The following STK32A variants were observed in gnomAD, a reference collection of about 807,000 sequenced individuals.
The protein encoded by STK32A is serine/threonine-protein kinase 32A.
STK32A carries 41 observed loss-of-function variants against 53.2 expected under a neutral mutation model. That is an observed-to-expected ratio of 0.77 (90% CI 0.60 to 1.00). The LOEUF (loss-of-function observed/expected upper bound fraction) is 1.00, where lower values mean the gene tolerates loss of function less well. Ranked by LOEUF, STK32A falls within the 50% of genes least tolerant of loss-of-function variation. The probability of loss-of-function intolerance (pLI) is 0.00; values close to 1 mark genes in which losing one functional copy is unlikely to be tolerated. For synonymous variants in STK32A, 166 were observed against 162.8 expected (o/e 1.02, Z -0.15); for missense variants, 458 against 485.8 (o/e 0.94, Z 0.54).
At chr5:147,374,995 C>T (rs1757169779) in intron 10 of STK32A, 95 bp from the exon 11 acceptor site, 38 of 1,158,658 alleles carry the variant, frequency 3.3e-5, no homozygotes, top group Non-Finnish European at 4.2e-5. Context: ...ATGGACTGCT[C>T]CGTTAAGACT....
At chr5:147,346,192 C>A (rs986813704) in intron 6 of STK32A, among the ~76,000 whole-genome samples, 15 of 152,124 alleles carry the variant, frequency 9.9e-5, no homozygotes, top group African/African-American at 3.6e-4. Flanking sequence ...TCAATGCCTG[C>A]CTTTTAGAGT....
chr5:147,239,871 G>C, intron 2 of STK32A, 185 bp downstream of exon 2: 1 of 570,580 alleles, frequency 1.8e-6, no homozygotes, highest in South Asian at 2.2e-5. Context: ...ACTTTCCATG[G>C]GACCTTTGGC....
intron 4 of STK32A, among the ~76,000 whole-genome samples, chr5:147,288,751 A>G (rs1752462221): frequency 6.6e-6 from 1 of 151,884 alleles, no homozygotes; most frequent in South Asian, 2.1e-4. Flanking sequence ...TGATCCAATC[A>G]CCTCCCACCA....
intron 5 of STK32A, among the ~76,000 whole-genome samples, chr5:147,325,285 A>G (rs1198014487): frequency 6.6e-6 from 1 of 151,816 alleles, no homozygotes; most frequent in Non-Finnish European, 1.5e-5. Context: ...ACCAGTTGAC[A>G]TTGACCTGTA....
intron 4 of STK32A, among the ~76,000 whole-genome samples, chr5:147,322,040 T>C (rs1754348204): frequency 6.6e-6 from 1 of 152,152 alleles, no homozygotes; most frequent in Non-Finnish European, 1.5e-5. Context: ...GTTTCACCAG[T>C]TCAATATTGT....
At chr5:147,266,288 T>C (rs1036263298) in intron 2 of STK32A, among the ~76,000 whole-genome samples, 1 of 152,164 alleles carries the variant, frequency 6.6e-6, no homozygotes, top group Non-Finnish European at 1.5e-5. Context: ...AGTGAGTAAG[T>C]CGATGAGTGA....
At chr5:147,351,901 GATA>G (rs753295996) in intron 7 of STK32A, among the ~76,000 whole-genome samples, 2 of 152,074 alleles carry the variant, frequency 1.3e-5, no homozygotes, top group Non-Finnish European at 2.9e-5. Flanking sequence ...TAAGCAAAAT[GATA>G]ATAAGTGGCA....
intron 11 of STK32A, 188 bp from the exon 12 acceptor site, chr5:147,383,253 A>AT: frequency 1.6e-6 from 1 of 619,706 alleles, no homozygotes. Context: ...GGGGAGACAG[A>AT]TTCCTGGTGC....
chr5:147,277,354 G>C (rs920607924), intron 2 of STK32A, among the ~76,000 whole-genome samples: 1 of 152,060 alleles, frequency 6.6e-6, no homozygotes, highest in South Asian at 2.1e-4. Flanking sequence ...TACATTTCAC[G>C]AGCATTGACT....
At chr5:147,257,213 A>T (rs997603048) in intron 2 of STK32A, among the ~76,000 whole-genome samples, 4 of 149,686 alleles carry the variant, frequency 2.7e-5, no homozygotes, top group African/African-American at 9.8e-5. Flanking sequence ...TCCACAGAAC[A>T]TTGGACCAAC....
chr5:147,384,491 G>A lies in STK32A; in HGVS notation c.*508G>A. The A allele has an allele frequency of 7.2e-7, 1 of 1,389,772 alleles. No homozygotes were observed. Among genetic ancestry groups the A allele is most frequent in the Non-Finnish European group, 9.8e-7 (1 of 1,018,350 alleles). The allele number at this position is 1,389,772 out of a possible 1,614,324, so 86.1% of individuals were successfully genotyped here. ...TAAAGATAAGGAATTCTATCAGGGA[G>A]GCATGAATGGAATCAGATTAAAAGT... On this transcript the variant is annotated 3_prime_UTR_variant, in exon 13 of 13. Coordinates refer to ENST00000397936, the MANE Select transcript of STK32A (RefSeq NM_001112724.2).
intron 2 of STK32A, among the ~76,000 whole-genome samples, chr5:147,259,856 TCC>T (rs750384055): frequency 3.7e-4 from 53 of 141,430 alleles, no homozygotes; most frequent in African/African-American, 1.0e-3. Context: ...CTCTCCTCTC[TCC>T]CTCTCTTCTG....
intron 2 of STK32A, among the ~76,000 whole-genome samples, chr5:147,249,777 G>A (rs1835907): frequency 0.33 from 50,407 of 151,392 alleles, 8,606 homozygotes; most frequent in Admixed American, 0.39. Flanking sequence ...GCCTGGCATG[G>A]TGGTGGGCAC....
chr5:147,315,994 T>C (rs926202997), intron 4 of STK32A, among the ~76,000 whole-genome samples: 10 of 152,196 alleles, frequency 6.6e-5, no homozygotes, highest in Non-Finnish European at 1.5e-5. Flanking sequence ...AAATGAACTA[T>C]TCCAAGTGAC....
rs548977108 is a variant in STK32A at position 147,313,658 on chromosome 5, T to C, written c.261-10240T>C. 8.5e-5 allele frequency among the ~76,000 whole-genome samples: 13 copies of C among 152,338 alleles called. No homozygotes were observed. The East Asian group carries it at 2.5e-3, about 29-fold the overall frequency. Reference sequence around the variant, plus strand: ...AAAAAGAAGAGCAAAGTTGGAGGGCTCATACTTTTCAGTTTCGAAAGTTGT... The same window carrying C: ...AAAAAGAAGAGCAAAGTTGGAGGGCCCATACTTTTCAGTTTCGAAAGTTGT... On this transcript the variant is annotated intron_variant, in intron 4 of 12. Transcript: ENST00000397936.
intron 7 of STK32A, among the ~76,000 whole-genome samples, chr5:147,352,506 C>T (rs1756029473): frequency 1.3e-5 from 2 of 152,276 alleles, no homozygotes; most frequent in African/African-American, 4.8e-5. Context: ...GCTTTACTTC[C>T]CGTCCAGCCT....
intron 5 of STK32A, among the ~76,000 whole-genome samples, chr5:147,330,489 A>G (rs554614754): frequency 3.3e-5 from 5 of 152,342 alleles, no homozygotes; most frequent in Non-Finnish European, 7.3e-5. Context: ...AAGGGTGTGA[A>G]CACCAAAAGC....
the STK32A span, among the ~76,000 whole-genome samples, chr5:147,398,426 T>C: frequency 6.6e-6 from 1 of 152,178 alleles, no homozygotes; most frequent in Non-Finnish European, 1.5e-5. Context: ...ACCTCCAATT[T>C]TTAATCTATA....
chr5:147,351,180 T>C lies in STK32A; in HGVS notation c.562+26T>C, dbSNP rs537240903. 155 of 1,588,022 alleles carry C rather than the reference T, an allele frequency of 9.8e-5. 2 individuals carry two copies. In the East Asian group the frequency reaches 1.5e-3, roughly 16 times the overall value. Reference sequence around the variant, plus strand: ...GTATGGGTTTCATGAGTGTCTTTTTTTTTTCTTTCCTGTAAATACCATTTA... The same window carrying C: ...GTATGGGTTTCATGAGTGTCTTTTTCTTTTCTTTCCTGTAAATACCATTTA... On this transcript the variant is annotated intron_variant, in intron 7 of 12. Coordinates refer to ENST00000397936, the MANE Select transcript of STK32A (RefSeq NM_001112724.2).
Sources: allele counts gnomAD v4.1 joint callset (sites outside exome capture counted in the v4.1 genomes callset), GRCh38; gene constraint gnomAD v4.1.1; transcripts MANE v1.5; gene names NCBI Gene and HGNC (gene_info 2026-07-23, HGNC 2026-07-21).